Variants in CFAP46 observed in about 807,000 individuals in gnomAD.
The protein encoded by CFAP46 is cilia and flagella associated protein 46.
A neutral mutation model predicts 325.7 loss-of-function variants in CFAP46; 245 were observed. That is an observed-to-expected ratio of 0.75 (90% CI 0.68 to 0.84). CFAP46 has a LOEUF of 0.84. Among genes scored for constraint, CFAP46 ranks in the 40% least tolerant of loss-of-function variants. The pLI is 0.00. For missense variants in CFAP46, 3,346 were observed against 3,543.0 expected, an observed-to-expected ratio of 0.94 and a Z score of 1.41; for synonymous variants, 1,523 against 1,495.9, an observed-to-expected ratio of 1.02 and a Z score of -0.42.
intron 36 of CFAP46, 55 bp from the exon 37 acceptor site, chr10:132,860,578 A>C: frequency 7.4e-7 from 1 of 1,345,016 alleles, no homozygotes; most frequent in Non-Finnish European, 1.0e-6. Context: ...AGGCATGGAT[A>C]CAGGCCTGAG....
intron 44 of CFAP46, among the ~76,000 whole-genome samples, chr10:132,837,931 A>ATGCACGGACGCAGACACGCACGTG (rs1554876895): frequency 2.1e-5 from 3 of 142,216 alleles, no homozygotes; most frequent in African/African-American, 7.9e-5. Context: ...ACACGCAGAC[A>ATGCACGGACGCAGACACGCACGTG]TGCACGGACA....
At position 132,859,314 on chromosome 10, in the gene CFAP46, G is replaced by A. The variant is rs1170133358; in HGVS notation, c.5199-67C>T. 1.7e-5 allele frequency: 23 copies of A among 1,389,732 alleles called. 1 individual carries two copies. Among genetic ancestry groups the A allele is most frequent in the Non-Finnish European group, 2.2e-5 (23 of 1,038,412 alleles). 86.1% of individuals were successfully genotyped at this position (1,389,732 alleles called of 1,614,324 possible). A position where few individuals can be genotyped will look rare whatever the true frequency, so the allele number is the denominator to read the frequency against. On this transcript the variant is annotated intron_variant, in intron 37 of 57. Transcript: ENST00000368586. ...GGGCCGCGTCAGGGCTTGCGGCTGG[G>A]CTGCCGCTGTTCTCCCCGGTGTTCA...
chr10:132,834,094 G>T lies in CFAP46; in HGVS notation c.6896C>A (p.Ser2299Ter). The T allele has an allele frequency of 5.0e-6, 8 of 1,614,110 alleles. No individual in the cohort carries two copies. The highest frequency in any genetic ancestry group is 6.8e-6 in the Non-Finnish European group (8 of 1,180,002). Residue 2299 changes from serine to a stop codon, truncating the protein, a stop_gained, in exon 49 of 58, where the codon TCA becomes TAA. Coordinates refer to ENST00000368586, the MANE Select transcript of CFAP46 (RefSeq NM_001200049.3). LOFTEE classifies it high-confidence loss of function. ...RVQTPAVVADSGKSKGKDKER... is the reference protein window; with the variant it reads ...RVQTPAVVAD ...CTTGTCTTTGCCCTTCGACTTCCCTGAATCGGCAACAACCGCAGGTGTCTG... is the reference window on the plus strand; with the variant it reads ...CTTGTCTTTGCCCTTCGACTTCCCTTAATCGGCAACAACCGCAGGTGTCTG...
rs1057241812 is a variant in CFAP46 at position 132,919,580 on chromosome 10, G to A, written c.1731-138C>T. The A allele has an allele frequency of 4.5e-5, 53 of 1,178,264 alleles. No homozygotes were observed. Among genetic ancestry groups the A allele is most frequent in the African/African-American group, 4.3e-4 (28 of 64,518 alleles). The allele number at this position is 1,178,264 out of a possible 1,614,324, so 73.0% of individuals were successfully genotyped here. The stretch of plus-strand genomic sequence containing the variant: ...CAAGGTGGCAAGGAGCCCGGCACTC[G>A]CGCTGGGTACGGCCTGGCGGGTGCA... On this transcript the variant is annotated intron_variant, in intron 14 of 57. Transcript: ENST00000368586. This position sits in a 1 kb window ranked among gnomAD's most constrained non-coding sequence, Gnocchi z 9.7.
intron 21 of CFAP46, 69 bp from the exon 22 acceptor site, chr10:132,908,703 C>G (rs1428671904): frequency 2.1e-6 from 3 of 1,456,180 alleles, no homozygotes; most frequent in Admixed American, 4.9e-5. Flanking sequence ...CTGCAGCCCC[C>G]ACGGACCACG....
intron 12 of CFAP46, 76 bp downstream of exon 12, chr10:132,922,404 T>G: frequency 6.8e-7 from 1 of 1,466,512 alleles, no homozygotes; most frequent in Non-Finnish European, 9.1e-7. Flanking sequence ...CCCGCCCTGC[T>G]GTGCCCTCAG....
intron 50 of CFAP46, among the ~76,000 whole-genome samples, chr10:132,824,016 T>TGC (rs1847967306): frequency 1.2e-5 from 1 of 85,858 alleles, no homozygotes; most frequent in African/African-American, 5.8e-5. Flanking sequence ...GTGTGTGCTG[T>TGC]GTGCTGTGTG....
chr10:132,861,345 C>A (rs1345094646), intron 35 of CFAP46, among the ~76,000 whole-genome samples: 1 of 152,224 alleles, frequency 6.6e-6, no homozygotes, highest in African/African-American at 2.4e-5. Flanking sequence ...GTGGAATCGG[C>A]GTTCAGGGAG....
rs1384385313 is a variant in CFAP46, at chr10:132,920,108, T to C, written c.1681A>G (p.Lys561Glu). Reference protein sequence around the residue: ...KAWHHTVSVDKAAGHLRRLGN... With the variant: ...KAWHHTVSVDEAAGHLRRLGN... Reference sequence around the variant, plus strand: ...AGGCGCCGCAGGTGCCCGGCAGCTTTGTCCACGCTGACGGTGTGGTGCCAC... The same window carrying C: ...AGGCGCCGCAGGTGCCCGGCAGCTTCGTCCACGCTGACGGTGTGGTGCCAC... The change falls in exon 14 of 58, where the codon AAA (lysine) becomes GAA (glutamate). Residue 561 changes from lysine (K) to glutamate (E), a missense_variant. Coordinates refer to ENST00000368586, the MANE Select transcript of CFAP46 (RefSeq NM_001200049.3). 1 of 1,549,166 alleles carries C rather than the reference T, an allele frequency of 6.5e-7. No individual in the cohort carries two copies. Among genetic ancestry groups the C allele is most frequent in the Non-Finnish European group, 8.7e-7 (1 of 1,146,474 alleles).
intron 57 of CFAP46, among the ~76,000 whole-genome samples, chr10:132,810,177 C>T (rs1847549261): frequency 6.6e-6 from 1 of 152,360 alleles, no homozygotes; most frequent in East Asian, 1.9e-4. Context: ...TGGGCCGTCA[C>T]TGCCGAGGGT....
chr10:132,823,154 T>C lies in CFAP46; in HGVS notation c.7118-8240A>G, dbSNP rs569065494. On this transcript the variant is annotated intron_variant, in intron 50 of 57. Coordinates refer to ENST00000368586, the MANE Select transcript of CFAP46 (RefSeq NM_001200049.3). ...GTGTGCTCTGTGTGCTGATGTGTGC[T>C]GTGTGAGTGATGTGTGCTGTCTGTG... is the stretch of plus-strand genomic sequence containing the variant. Among the ~76,000 whole-genome samples the C allele has an allele frequency of 6.8e-4, 89 of 130,134 alleles. 1 individual carries two copies. The highest frequency in any genetic ancestry group is 2.5e-3 in the African/African-American group (84 of 33,478). 85.4% of individuals were successfully genotyped at this position (130,134 alleles called of 152,430 possible).
At chr10:132,824,813 G>A (rs548496396) in intron 50 of CFAP46, among the ~76,000 whole-genome samples, 1 of 143,404 alleles carries the variant, frequency 7.0e-6, no homozygotes, top group Non-Finnish European at 1.5e-5. Flanking sequence ...GTGCGCTGAT[G>A]TGTGCTGTCT....
At chr10:132,836,940 G>A (rs752234962) in intron 44 of CFAP46, 26 bp from the exon 45 acceptor site, 8 of 1,556,608 alleles carry the variant, frequency 5.1e-6, no homozygotes, top group Middle Eastern at 1.7e-4. Context: ...CGGCCATCAG[G>A]GGATGCATTT....
chr10:132,858,782 G>A (rs1215860526), intron 38 of CFAP46, among the ~76,000 whole-genome samples: 1 of 152,160 alleles, frequency 6.6e-6, no homozygotes, highest in Non-Finnish European at 1.5e-5. Flanking sequence ...AAGGGCTGGA[G>A]GTGCAAGGCC....
intron 50 of CFAP46, among the ~76,000 whole-genome samples, chr10:132,819,632 C>A (rs1309019569): frequency 6.6e-6 from 1 of 152,216 alleles, no homozygotes; most frequent in Non-Finnish European, 1.5e-5. Context: ...CAAGAACACA[C>A]AATGCGGAAA....
intron 27 of CFAP46, among the ~76,000 whole-genome samples, chr10:132,883,474 G>C (rs1352335886): frequency 6.6e-6 from 1 of 152,250 alleles, no homozygotes; most frequent in Non-Finnish European, 1.5e-5. Flanking sequence ...GACATCAAGA[G>C]CTGGTGAGCG....
At chr10:132,899,243 T>C (rs1849360594) in intron 23 of CFAP46, 122 bp from the exon 24 acceptor site, 1 of 1,139,548 alleles carries the variant, frequency 8.8e-7, no homozygotes, top group Non-Finnish European at 1.2e-6. Flanking sequence ...CTCCTGGGCA[T>C]GTGGCTTGCT....
In CFAP46 at chr10:132,847,026, A is replaced by G; in HGVS notation, c.6173T>C (p.Leu2058Pro). ...QCLQVALGSG[L>P]LDVAAAASLE... ...GCTGGCGGCTGCTGCGACATCCAGG[A>G]GGCCACTGCCAAGGGCCACCTGTAG... is the stretch of plus-strand genomic sequence containing the variant. Residue 2058 changes from leucine to proline, a missense_variant, in exon 43 of 58, where the codon CTC becomes CCC. Transcript: ENST00000368586. The surrounding 1 kb of genome is among the most constrained non-coding windows in gnomAD (Gnocchi z 5.2). 1 of 1,611,660 alleles carries G rather than the reference A, an allele frequency of 6.2e-7. No individual in the cohort carries two copies. Among genetic ancestry groups the G allele is most frequent in the South Asian group, 1.1e-5 (1 of 90,980 alleles).
In CFAP46 at chr10:132,828,809, G is replaced by A. The variant is rs971036417; in HGVS notation, c.7117+4549C>T. ...GTTTCGTTCTGCACTTGGACGTCCA[G>A]GGACTGCAGCCACTCATGGAGATGC... On this transcript the variant is annotated intron_variant, in intron 50 of 57. Transcript: ENST00000368586. The surrounding 1 kb of genome is among the most constrained non-coding windows in gnomAD (Gnocchi z 4.9). Among the ~76,000 whole-genome samples the A allele has an allele frequency of 6.6e-6, 1 of 152,128 alleles. No individual in the cohort carries two copies. The highest frequency in any genetic ancestry group is 1.5e-5 in the Non-Finnish European group (1 of 68,040).
Sources: allele counts gnomAD v4.1 joint callset (sites outside exome capture counted in the v4.1 genomes callset), GRCh38; gene constraint gnomAD v4.1.1; non-coding constraint Gnocchi (gnomAD v3.1); transcripts MANE v1.5; gene names NCBI Gene and HGNC (gene_info 2026-07-23, HGNC 2026-07-21).